The following FOXJ3 variants were observed in gnomAD, a reference collection of about 807,000 sequenced individuals.
The protein encoded by FOXJ3 is forkhead box protein J3.
Under a neutral mutation model 76.1 loss-of-function variants are expected in FOXJ3, and 22 were observed. The ratio of observed to expected loss-of-function variants is 0.29; its 90% confidence interval spans 0.21 to 0.41. The LOEUF (loss-of-function observed/expected upper bound fraction) is 0.41. Among genes scored for constraint, FOXJ3 ranks in the 10% least tolerant of loss-of-function variants. The probability of loss-of-function intolerance (pLI) is 1.00; values close to 1 mark genes in which losing one functional copy is unlikely to be tolerated. For missense variants in FOXJ3, 613 were observed against 762.1 expected (o/e 0.80, Z 2.30); for synonymous variants, 269 against 261.2 (o/e 1.03, Z -0.29).
At chr1:42,185,482 G>C (rs527274237) in intron 11 of FOXJ3, among the ~76,000 whole-genome samples, 1 of 151,556 alleles carries the variant, frequency 6.6e-6, no homozygotes, top group Non-Finnish European at 1.5e-5. Flanking sequence ...AGGTGGTCTC[G>C]ATCTCCTGAC....
chr1:42,318,733 C>T (rs897095099), intron 1 of FOXJ3, among the ~76,000 whole-genome samples: 21 of 152,216 alleles, frequency 1.4e-4, no homozygotes, highest in African/African-American at 4.1e-4. Context: ...GTTGCAATGA[C>T]GTGGAGAAAT....
At chr1:42,211,090 C>G (rs978423398) in intron 5 of FOXJ3, among the ~76,000 whole-genome samples, 2 of 152,134 alleles carry the variant, frequency 1.3e-5, no homozygotes, top group African/African-American at 4.8e-5. Flanking sequence ...GTTTGTTTGG[C>G]TCTACCCCAA....
intron 4 of FOXJ3, among the ~76,000 whole-genome samples, chr1:42,237,405 C>CATATATATATATATATATATATATAT (rs60560055): frequency 1.4e-5 from 2 of 140,764 alleles, no homozygotes; most frequent in South Asian, 2.3e-4. Context: ...TACATACATA[C>CATATATATATATATATATATATATAT]ATATATATAT....
Position 42,179,000 on chromosome 1 carries a change from T to G in FOXJ3, c.*710A>C, listed in dbSNP as rs753823750. 1 of 152,634 alleles carries G rather than the reference T, an allele frequency of 6.6e-6. No individual in the cohort carries two copies. Among genetic ancestry groups the G allele is most frequent in the Non-Finnish European group, 1.5e-5 (1 of 68,034 alleles). 9.5% of individuals were successfully genotyped at this position (152,634 alleles called of 1,614,324 possible). ...TCAACAAATTTTAGAGCTATTATAA[T>G]GCAGATTTAGAAAAGCAGACATAAA... is the stretch of plus-strand genomic sequence containing the variant. On this transcript the variant is annotated 3_prime_UTR_variant, in exon 13 of 13. Transcript: ENST00000361346.
chr1:42,236,157 GTTTT>G (rs1443913702), intron 4 of FOXJ3, among the ~76,000 whole-genome samples: 1 of 152,184 alleles, frequency 6.6e-6, no homozygotes, highest in Non-Finnish European at 1.5e-5. Context: ...GAAACAGGAG[GTTTT>G]TGTTTAAGTG....
At chr1:42,310,113 T>C (rs1654712493) in intron 2 of FOXJ3, among the ~76,000 whole-genome samples, 1 of 152,108 alleles carries the variant, frequency 6.6e-6, no homozygotes, top group African/African-American at 2.4e-5. Context: ...CCAAATTTAC[T>C]ATGTTCTAAT....
chr1:42,246,609 T>C (rs1452839064), intron 4 of FOXJ3, among the ~76,000 whole-genome samples: 1 of 151,618 alleles, frequency 6.6e-6, no homozygotes, highest in Non-Finnish European at 1.5e-5. Flanking sequence ...CAGCCATTTA[T>C]GGAAAACAGT....
rs182701378 is a variant in FOXJ3 at position 42,276,513 on chromosome 1, G to A, written c.369+1835C>T. ...ACTACTAATGGGGTTCTTGGAAACC[G>A]CAACACTAAGTCAAACAAAAGTATA... On this transcript the variant is annotated intron_variant, in intron 3 of 12. Transcript: ENST00000361346. Among the ~76,000 whole-genome samples, 495 of 152,210 alleles carry A rather than the reference G, an allele frequency of 3.3e-3. 2 individuals carry two copies. The highest frequency in any genetic ancestry group is 0.01 in the Middle Eastern group (3 of 294).
In FOXJ3 at chr1:42,212,652, C is replaced by CCA. The variant is rs1646986571; in HGVS notation, c.529-6790_529-6789insTG. Among the ~76,000 whole-genome samples, 3 of 152,050 alleles carry CCA rather than the reference C, an allele frequency of 2.0e-5. No individual in the cohort carries two copies. In the South Asian group the frequency reaches 6.2e-4, roughly 31 times the overall value. On this transcript the variant is annotated intron_variant, in intron 5 of 12. Coordinates refer to ENST00000361346, the MANE Select transcript of FOXJ3 (RefSeq NM_014947.5). ...AAGAAAAAGTTAAAATTTGGAAAAC[C>CCA]TATTTGAGGAAATAATTAAGGAAAA... is the stretch of plus-strand genomic sequence containing the variant.
intron 4 of FOXJ3, among the ~76,000 whole-genome samples, chr1:42,259,527 A>G (rs572340660): frequency 6.6e-6 from 1 of 152,208 alleles, no homozygotes; most frequent in Non-Finnish European, 1.5e-5. Flanking sequence ...CTGCAACCAC[A>G]CTGCTCAAAC....
intron 4 of FOXJ3, among the ~76,000 whole-genome samples, chr1:42,230,487 AAATT>A (rs1647989157): frequency 6.6e-6 from 1 of 152,190 alleles, no homozygotes; most frequent in Non-Finnish European, 1.5e-5. Context: ...CTAAAGCTCA[AAATT>A]AATTTATGTT....
intron 3 of FOXJ3, among the ~76,000 whole-genome samples, chr1:42,273,880 T>A (rs533736787): frequency 2.8e-4 from 43 of 152,140 alleles, no homozygotes; most frequent in African/African-American, 1.0e-3. Context: ...GGGAGCGGGG[T>A]AGACTGGAAG....
At chr1:42,214,117 T>C (rs895103825) in intron 5 of FOXJ3, among the ~76,000 whole-genome samples, 3 of 152,154 alleles carry the variant, frequency 2.0e-5, no homozygotes, top group African/African-American at 7.2e-5. Context: ...ACAGCTTTGG[T>C]ATGAGGCACT....
chr1:42,234,631 A>C (rs977897485), intron 4 of FOXJ3, among the ~76,000 whole-genome samples: 41 of 152,140 alleles, frequency 2.7e-4, no homozygotes, highest in African/African-American at 1.2e-4. Flanking sequence ...CAGGACCCTC[A>C]GCTGCAGGTC....
At chr1:42,307,195 C>A (rs1005541030) in intron 2 of FOXJ3, among the ~76,000 whole-genome samples, 1 of 152,210 alleles carries the variant, frequency 6.6e-6, no homozygotes, top group African/African-American at 2.4e-5. Flanking sequence ...ACAAGTGAAT[C>A]CAGCTTGCAG....
At chr1:42,195,142 A>C in intron 7 of FOXJ3, 78 bp from the exon 8 acceptor site, 1 of 1,054,038 alleles carries the variant, frequency 9.5e-7, no homozygotes, top group South Asian at 1.8e-5. Context: ...TATATAACTG[A>C]AAACAGTGTC....
chr1:42,239,008 C>G (rs1320390870), intron 4 of FOXJ3, among the ~76,000 whole-genome samples: 1 of 152,124 alleles, frequency 6.6e-6, no homozygotes, highest in African/African-American at 2.4e-5. Flanking sequence ...GTGAACAGGT[C>G]AACATGTATT....
intron 4 of FOXJ3, among the ~76,000 whole-genome samples, chr1:42,255,534 G>C (rs538382696): frequency 2.6e-5 from 4 of 152,150 alleles, no homozygotes; most frequent in Non-Finnish European, 5.9e-5. Flanking sequence ...CTAAATAGAA[G>C]GTGGAGATCA....
chr1:42,265,967 G>C (rs536115662), intron 3 of FOXJ3, among the ~76,000 whole-genome samples: 21 of 152,182 alleles, frequency 1.4e-4, no homozygotes, highest in Admixed American at 6.5e-4. Flanking sequence ...AATTCTTACA[G>C]AATATGCCCC....
Sources: allele counts gnomAD v4.1 joint callset (sites outside exome capture counted in the v4.1 genomes callset), GRCh38; gene constraint gnomAD v4.1.1; transcripts MANE v1.5; gene names NCBI Gene and HGNC (gene_info 2026-07-23, HGNC 2026-07-21).